The following GAS7 variants were observed in gnomAD, a reference collection of about 807,000 sequenced individuals.
GAS7 encodes the protein growth arrest specific 7, also known as growth arrest-specific protein 7.
A neutral mutation model predicts 71.1 loss-of-function variants in GAS7; 28 were observed. That is an observed-to-expected ratio of 0.39 (90% CI 0.29 to 0.54). The LOEUF (loss-of-function observed/expected upper bound fraction) is 0.54, where lower values mean the gene tolerates loss of function less well. Among genes scored for constraint, GAS7 ranks in the 20% least tolerant of loss-of-function variants. The probability of loss-of-function intolerance (pLI) is 0.62; values close to 1 mark genes in which losing one functional copy is unlikely to be tolerated. For missense variants in GAS7, 436 were observed against 627.8 expected, an observed-to-expected ratio of 0.69 and a Z score of 3.27; for synonymous variants, 258 against 245.8, an observed-to-expected ratio of 1.05 and a Z score of -0.46.
intron 1 of GAS7, among the ~76,000 whole-genome samples, chr17:10,063,313 T>C (rs1049307214): frequency 1.3e-5 from 2 of 152,186 alleles, no homozygotes; most frequent in East Asian, 3.8e-4. Flanking sequence ...TGTGTGTGCG[T>C]GCGCATGATA....
chr17:10,184,085 C>G (rs2074435645), intron 1 of GAS7, among the ~76,000 whole-genome samples: 1 of 152,194 alleles, frequency 6.6e-6, no homozygotes, highest in African/African-American at 2.4e-5. Flanking sequence ...CCCCTTGGAA[C>G]TGATAAACTG....
At chr17:10,158,069 G>A (rs867536462) in intron 1 of GAS7, among the ~76,000 whole-genome samples, 39 of 152,246 alleles carry the variant, frequency 2.6e-4, no homozygotes, top group South Asian at 6.2e-4. Context: ...GGAGTGCAGC[G>A]GCACAATCTC....
Position 9,958,843 on chromosome 17 carries a change from C to T in GAS7, c.525+359G>A, listed in dbSNP as rs139867958. The T allele has an allele frequency of 5.6e-3, 2,016 of 358,632 alleles. 90 individuals are homozygous for T. The Admixed American group carries it at 0.075, about 13-fold the overall frequency. The allele number at this position is 358,632 out of a possible 1,614,324, so 22.2% of individuals were successfully genotyped here. The stretch of plus-strand genomic sequence containing the variant: ...CAGAAGTTACCCCGCACAAAAGCAA[C>T]CCTGCCGTGGCTGTAATTTACACGT... On this transcript the variant is annotated intron_variant, in intron 5 of 13. Transcript: ENST00000432992.
chr17:9,956,816 C>A (rs1372229380), intron 5 of GAS7, among the ~76,000 whole-genome samples: 1 of 152,232 alleles, frequency 6.6e-6, no homozygotes, highest in East Asian at 1.9e-4. Flanking sequence ...CCCTACACAC[C>A]ACAGAAAAGG....
chr17:10,147,837 C>T (rs568014202), intron 1 of GAS7, among the ~76,000 whole-genome samples: 5 of 152,222 alleles, frequency 3.3e-5, no homozygotes, highest in Middle Eastern at 6.8e-3. Context: ...TTTTTTAAAA[C>T]GGTGTGAACA....
At chr17:10,158,261 C>T (rs2074220068) in intron 1 of GAS7, among the ~76,000 whole-genome samples, 1 of 151,600 alleles carries the variant, frequency 6.6e-6, no homozygotes, top group Admixed American at 6.6e-5. Context: ...GATCCACCCA[C>T]CTCGGCCTCC....
At chr17:10,119,681 C>T (rs551845897) in intron 1 of GAS7, among the ~76,000 whole-genome samples, 2 of 152,242 alleles carry the variant, frequency 1.3e-5, no homozygotes, top group Non-Finnish European at 2.9e-5. Flanking sequence ...GCCCACTGTC[C>T]TTAGAACTTG....
At chr17:9,941,795 C>A (rs1353257088) in intron 7 of GAS7, among the ~76,000 whole-genome samples, 1 of 152,152 alleles carries the variant, frequency 6.6e-6, no homozygotes, top group Non-Finnish European at 1.5e-5. Context: ...TTTAATGGGT[C>A]ATAAAATAAG....
chr17:10,120,766 C>A (rs2073898117), intron 1 of GAS7, among the ~76,000 whole-genome samples: 1 of 152,184 alleles, frequency 6.6e-6, no homozygotes, highest in Admixed American at 6.5e-5. Context: ...CTCAGGAGGG[C>A]TGCTCAGGAG....
intron 2 of GAS7, among the ~76,000 whole-genome samples, chr17:9,982,869 GC>G (rs1257411785): frequency 1.3e-4 from 16 of 118,986 alleles, no homozygotes; most frequent in African/African-American, 4.0e-4. Context: ...AAGAAAGAAA[GC>G]AAAGAAAGCA....
chr17:10,171,542 G>A (rs772073370), intron 1 of GAS7, among the ~76,000 whole-genome samples: 13 of 152,164 alleles, frequency 8.5e-5, no homozygotes, highest in Non-Finnish European at 1.8e-4. Context: ...AACTTCTTTT[G>A]GACTTGAAAA....
intron 1 of GAS7, among the ~76,000 whole-genome samples, chr17:10,040,685 G>A (rs1172720233): frequency 2.6e-5 from 4 of 152,004 alleles, no homozygotes; most frequent in Non-Finnish European, 5.9e-5. Context: ...GGAGGCAAGA[G>A]CATCACATCC....
intron 1 of GAS7, among the ~76,000 whole-genome samples, chr17:10,091,751 G>A (rs893955847): frequency 2.0e-5 from 3 of 152,038 alleles, no homozygotes; most frequent in South Asian, 2.1e-4. Flanking sequence ...ACACCATCTC[G>A]GCTCACTGCA....
intron 5 of GAS7, among the ~76,000 whole-genome samples, chr17:9,949,412 T>C (rs1056825623): frequency 2.6e-5 from 4 of 152,190 alleles, no homozygotes; most frequent in African/African-American, 7.2e-5. Context: ...AATAACACCA[T>C]GTAGGCCCAA....
At chr17:10,084,209 G>GT (rs1389887598) in intron 1 of GAS7, among the ~76,000 whole-genome samples, 1 of 152,058 alleles carries the variant, frequency 6.6e-6, no homozygotes, top group Non-Finnish European at 1.5e-5. Context: ...AAAAATATGG[G>GT]TTATCAATGG....
intron 1 of GAS7, among the ~76,000 whole-genome samples, chr17:10,078,918 A>T (rs1401308512): frequency 6.6e-6 from 1 of 152,132 alleles, no homozygotes; most frequent in African/African-American, 2.4e-5. Flanking sequence ...GCCAGGTGTG[A>T]TGGTGCATTC....
At chr17:10,197,820 C>A in intron 1 of GAS7, among the ~76,000 whole-genome samples, 1 of 152,212 alleles carries the variant, frequency 6.6e-6, no homozygotes, top group East Asian at 1.9e-4. Context: ...CGAGTCGGTG[C>A]CACTTTCTCG....
At chr17:9,972,627 C>T (rs201887448) in intron 3 of GAS7, among the ~76,000 whole-genome samples, 91 of 152,084 alleles carry the variant, frequency 6.0e-4, no homozygotes, top group African/African-American at 2.0e-3. Context: ...AGCCCTGGAA[C>T]ATGTAAAAAC....
intron 1 of GAS7, among the ~76,000 whole-genome samples, chr17:10,137,039 A>G (rs569644087): frequency 7.2e-5 from 11 of 152,276 alleles, no homozygotes; most frequent in African/African-American, 2.6e-4. Flanking sequence ...ACTTGATTCC[A>G]GGAGGCAGAG....
Sources: gnomAD v4.1 joint callset for allele counts (sites outside exome capture counted in the v4.1 genomes callset) on GRCh38, gnomAD v4.1.1 for gene constraint, MANE v1.5 for transcripts, NCBI Gene and HGNC (gene_info 2026-07-23, HGNC 2026-07-21) for gene names.